ASTN2: variants seen among roughly 807,000 people sequenced by gnomAD.
The protein encoded by ASTN2 is astrotactin-2.
A neutral mutation model predicts 139.8 loss-of-function variants in ASTN2; 54 were observed. The observed-to-expected ratio is 0.39, with a 90% CI of 0.31 to 0.48. The LOEUF (loss-of-function observed/expected upper bound fraction) is 0.48, where lower values mean the gene tolerates loss of function less well. Among genes scored for constraint, ASTN2 ranks in the 20% least tolerant of loss-of-function variants. The pLI, the probability that ASTN2 is intolerant of heterozygous loss-of-function variation, is 0.95. For missense variants in ASTN2, 1,565 were observed against 1,725.1 expected (o/e 0.91, Z 1.64); for synonymous variants, 756 against 719.5 (o/e 1.05, Z -0.81).
At chr9:117,341,868 C>G (rs1043302552) in intron 1 of ASTN2, among the ~76,000 whole-genome samples, 3 of 152,156 alleles carry the variant, frequency 2.0e-5, no homozygotes, top group Non-Finnish European at 4.4e-5. Flanking sequence ...GCCATATACA[C>G]TCAATTCCAT....
chr9:116,459,925 CG>C (rs1281225364), intron 20 of ASTN2, among the ~76,000 whole-genome samples: 3 of 152,032 alleles, frequency 2.0e-5, no homozygotes, highest in African/African-American at 7.2e-5. Flanking sequence ...GAACTGAAAA[CG>C]TATCTCCACA....
intron 10 of ASTN2, among the ~76,000 whole-genome samples, chr9:116,956,177 C>A (rs947828200): frequency 8.4e-5 from 12 of 143,480 alleles, no homozygotes; most frequent in Non-Finnish European, 7.5e-5. Context: ...CTCACCGCAA[C>A]CTCTGCCTCC....
chr9:116,731,377 A>T (rs528807748), intron 14 of ASTN2, among the ~76,000 whole-genome samples: 16 of 146,214 alleles, frequency 1.1e-4, no homozygotes, highest in African/African-American at 4.1e-4. Context: ...TTAGAATCCT[A>T]AAAAAAAATT....
intron 3 of ASTN2, among the ~76,000 whole-genome samples, chr9:117,165,844 C>A (rs1484682952): frequency 6.6e-6 from 1 of 151,932 alleles, no homozygotes; most frequent in East Asian, 1.9e-4. Flanking sequence ...AAATGAGGAA[C>A]TAAATGTAAA....
chr9:117,414,716 C>A lies in ASTN2; in HGVS notation c.223G>T (p.Ala75Ser), dbSNP rs1165392207. 1.6e-6 allele frequency: 2 copies of A among 1,274,720 alleles called. No homozygotes were observed. The highest frequency in any genetic ancestry group is 3.6e-5 in the East Asian group (1 of 27,896). The allele number at this position is 1,274,720 out of a possible 1,614,324, so 79.0% of individuals were successfully genotyped here. Residue 75 changes from alanine to serine, a missense_variant, in exon 1 of 23, where the codon GCC becomes TCC. Around this residue, in one of 4 missense-constraint regions of ASTN2, gnomAD observed 596 missense variants for 576.8 expected, o/e 1.03. Coordinates refer to ENST00000313400, the MANE Select transcript of ASTN2 (RefSeq NM_001365068.1). The surrounding 1 kb of genome is among the most constrained non-coding windows in gnomAD (Gnocchi z 4.2). Reference protein sequence around the residue: ...LKTVTVSTLPALRESDIGWSG... With the variant: ...LKTVTVSTLPSLRESDIGWSG... ...CAGCCGATGTCGCTCTCCCGCAGGG[C>A]GGGCAGTGTGGACACCGTGACGGTC...
At chr9:116,841,792 G>A (rs1832269913) in intron 11 of ASTN2, among the ~76,000 whole-genome samples, 1 of 152,180 alleles carries the variant, frequency 6.6e-6, no homozygotes, top group African/African-American at 2.4e-5. Flanking sequence ...ATGCCTGACA[G>A]GTGCTCACTA....
rs1418260073 is a variant in ASTN2 at position 117,414,334 on chromosome 9, C to G, written c.442+163G>C. On this transcript the variant is annotated intron_variant, in intron 1 of 22. Coordinates refer to ENST00000313400, the MANE Select transcript of ASTN2 (RefSeq NM_001365068.1). This position sits in a 1 kb window ranked among gnomAD's most constrained non-coding sequence, Gnocchi z 4.2. Reference sequence around the variant, plus strand: ...TCTCCAGGACCTCCTCCCACATGCTCGTTTCCAACCACCTGTGCGACCTCT... The same window carrying G: ...TCTCCAGGACCTCCTCCCACATGCTGGTTTCCAACCACCTGTGCGACCTCT... 6.6e-6 allele frequency among the ~76,000 whole-genome samples: 1 copy of G among 152,170 alleles called. No homozygotes were observed. The highest frequency in any genetic ancestry group is 1.5e-5 in the Non-Finnish European group (1 of 68,020).
intron 5 of ASTN2, among the ~76,000 whole-genome samples, chr9:117,066,125 G>C (rs566686345): frequency 2.9e-5 from 4 of 139,244 alleles, no homozygotes; most frequent in Admixed American, 2.9e-4. Context: ...CCACTAACTC[G>C]TCATCTAGCA....
At chr9:116,961,976 T>C (rs540438364) in intron 10 of ASTN2, among the ~76,000 whole-genome samples, 1 of 152,302 alleles carries the variant, frequency 6.6e-6, no homozygotes, top group East Asian at 1.9e-4. Context: ...ACATTGCAAA[T>C]ATGGAGAATG....
rs148279301 is a variant in ASTN2 at position 117,388,720 on chromosome 9, G to A, written c.442+25777C>T. On this transcript the variant is annotated intron_variant, in intron 1 of 22. Coordinates refer to ENST00000313400, the MANE Select transcript of ASTN2 (RefSeq NM_001365068.1). ...TCAACCACAGCCTGTGACGGCCTGG[G>A]CTGGTGACTATTTGCAACCTCATGT... is the stretch of plus-strand genomic sequence containing the variant. Among the ~76,000 whole-genome samples, 133 of 152,240 alleles carry A rather than the reference G, an allele frequency of 8.7e-4. 3 individuals carry two copies. The East Asian group carries it at 0.015, about 17-fold the overall frequency.
chr9:116,705,644 T>A (rs979818349), intron 16 of ASTN2, among the ~76,000 whole-genome samples: 30 of 152,302 alleles, frequency 2.0e-4, no homozygotes, highest in African/African-American at 7.0e-4. Flanking sequence ...CAATACTTAA[T>A]ATGAGTAATG....
chr9:116,582,549 G>C (rs1853993716), intron 19 of ASTN2: 3 of 152,212 alleles, frequency 2.0e-5, no homozygotes, highest in Non-Finnish European at 4.4e-5. Context: ...CTCCAAGCCT[G>C]TGCTGAACAC....
chr9:116,837,688 C>T (rs1832047923), intron 11 of ASTN2, among the ~76,000 whole-genome samples: 1 of 49,422 alleles, frequency 2.0e-5, no homozygotes, highest in African/African-American at 6.9e-5. Context: ...GCCAGCTGTT[C>T]TGAGCAGAAG....
At chr9:116,805,523 G>A in intron 13 of ASTN2, 109 bp downstream of exon 13, 2 of 1,002,204 alleles carry the variant, frequency 2.0e-6, no homozygotes, top group South Asian at 1.6e-5. Flanking sequence ...TTAAAGTGAT[G>A]CTGGCCAGAA....
chr9:116,783,147 T>C (rs953038443), intron 13 of ASTN2, among the ~76,000 whole-genome samples: 1 of 152,164 alleles, frequency 6.6e-6, no homozygotes, highest in Non-Finnish European at 1.5e-5. Context: ...TGCGTCTCTA[T>C]CACCTCGAAC....
In ASTN2 at chr9:117,275,852, A is replaced by G. The variant is rs545180075; in HGVS notation, c.630+15474T>C. ...CCCAAAGTTAGTGTCTCTTCTCATAAAGACACAAGTCCTGTTGGATTAGGA... is the reference window on the plus strand; with the variant it reads ...CCCAAAGTTAGTGTCTCTTCTCATAGAGACACAAGTCCTGTTGGATTAGGA... On this transcript the variant is annotated intron_variant, in intron 2 of 22. Transcript: ENST00000313400. Among the ~76,000 whole-genome samples the G allele has an allele frequency of 3.9e-5, 6 of 152,134 alleles. No homozygotes were observed. The East Asian group carries it at 1.2e-3, about 30-fold the overall frequency.
At chr9:116,526,796 T>G (rs1851114179) in intron 19 of ASTN2, among the ~76,000 whole-genome samples, 1 of 152,202 alleles carries the variant, frequency 6.6e-6, no homozygotes, top group Non-Finnish European at 1.5e-5. Flanking sequence ...GTATCCTAGA[T>G]GCTCAGATCC....
intron 22 of ASTN2, chr9:116,437,312 C>T (rs1421925562): frequency 4.2e-6 from 2 of 471,220 alleles, no homozygotes; most frequent in East Asian, 7.0e-5. Flanking sequence ...ATTAGCAGCA[C>T]CAGGATAGAT....
At chr9:117,203,615 G>T (rs1234044994) in intron 3 of ASTN2, among the ~76,000 whole-genome samples, 1 of 151,876 alleles carries the variant, frequency 6.6e-6, no homozygotes, top group Non-Finnish European at 1.5e-5. Flanking sequence ...TCCTTCTTCC[G>T]TAGAGCTGCT....
Sources: gnomAD v4.1 joint callset for allele counts (sites outside exome capture counted in the v4.1 genomes callset) on GRCh38, gnomAD v4.1.1 for gene constraint, gnomAD v4.1.1 regional missense constraint, Gnocchi (gnomAD v3.1) non-coding constraint, MANE v1.5 for transcripts, NCBI Gene and HGNC (gene_info 2026-07-23, HGNC 2026-07-21) for gene names.